TMEM132C: variants seen among roughly 807,000 people sequenced by gnomAD.
TMEM132C encodes the protein transmembrane protein 132C.
In TMEM132C, 29 loss-of-function variants were observed where a neutral mutation model predicts 61.4. The observed-to-expected ratio is 0.47, with a 90% confidence interval of 0.35 to 0.64. The LOEUF is 0.64. Among genes scored for constraint, TMEM132C ranks in the 30% least tolerant of loss-of-function variants. The probability of loss-of-function intolerance (pLI) is 0.00; values close to 1 mark genes in which losing one functional copy is unlikely to be tolerated. For synonymous variants in TMEM132C, 656 were observed against 633.1 expected, an observed-to-expected ratio of 1.04 and a Z score of -0.54; for missense variants, 1,408 against 1,476.9, an observed-to-expected ratio of 0.95 and a Z score of 0.76.
chr12:128,452,609 T>C (rs373485686), intron 2 of TMEM132C, among the ~76,000 whole-genome samples: 4,147 of 150,154 alleles, frequency 0.028, 186 homozygotes, highest in African/African-American at 0.094. Flanking sequence ...GGTGCTGAGG[T>C]AGGAGAATCG....
At chr12:128,286,345 G>A (rs1434934547) in intron 1 of TMEM132C, among the ~76,000 whole-genome samples, 2 of 152,146 alleles carry the variant, frequency 1.3e-5, no homozygotes, top group Non-Finnish European at 1.5e-5. Flanking sequence ...TGCCTCCAGG[G>A]CCCCTGCTTA....
At chr12:128,613,650 C>T (rs1275577427) in intron 3 of TMEM132C, among the ~76,000 whole-genome samples, 1 of 152,130 alleles carries the variant, frequency 6.6e-6, no homozygotes, top group Non-Finnish European at 1.5e-5. Flanking sequence ...TTCTGTGGGC[C>T]CTGTTCCCGG....
At chr12:128,412,359 CT>C (rs1318520693) in intron 1 of TMEM132C, among the ~76,000 whole-genome samples, 1 of 152,136 alleles carries the variant, frequency 6.6e-6, no homozygotes, top group Non-Finnish European at 1.5e-5. Flanking sequence ...AATAACCAAC[CT>C]TGTAGACTCT....
chr12:128,269,444 G>A, intron 1 of TMEM132C, among the ~76,000 whole-genome samples: 1 of 151,618 alleles, frequency 6.6e-6, no homozygotes, highest in South Asian at 2.1e-4. Flanking sequence ...CAGTGCTGGG[G>A]GCAGTGATTT....
At chr12:128,642,889 G>C (rs79982797) in intron 4 of TMEM132C, among the ~76,000 whole-genome samples, 4,159 of 152,314 alleles carry the variant, frequency 0.027, 88 homozygotes, top group Non-Finnish European at 0.041. Context: ...TTCCAAGTGT[G>C]TGCTGTTCAC....
chr12:128,425,087 G>T (rs996385126), intron 2 of TMEM132C, among the ~76,000 whole-genome samples: 4 of 152,214 alleles, frequency 2.6e-5, no homozygotes, highest in Non-Finnish European at 5.9e-5. Flanking sequence ...TCCCAGGGGA[G>T]AGGGAGAGGT....
intron 2 of TMEM132C, among the ~76,000 whole-genome samples, chr12:128,481,305 T>C (rs1047950667): frequency 1.3e-5 from 2 of 152,186 alleles, no homozygotes; most frequent in Non-Finnish European, 2.9e-5. Context: ...TTACGCAATG[T>C]AGAAAACAAG....
intron 4 of TMEM132C, 138 bp downstream of exon 4, chr12:128,616,473 C>T: frequency 1.1e-6 from 1 of 930,000 alleles, no homozygotes; most frequent in Non-Finnish European, 1.5e-6. Flanking sequence ...TTTCCTCACC[C>T]TGGAAGTTGT....
At chr12:128,655,446 C>A (rs1233471031) in intron 4 of TMEM132C, among the ~76,000 whole-genome samples, 3 of 151,966 alleles carry the variant, frequency 2.0e-5, no homozygotes, top group African/African-American at 7.2e-5. Context: ...TCAGATGGCT[C>A]TTCTCTGGAC....
intron 2 of TMEM132C, among the ~76,000 whole-genome samples, chr12:128,420,889 G>A (rs913866428): frequency 3.3e-5 from 5 of 152,062 alleles, no homozygotes; most frequent in African/African-American, 9.7e-5. Context: ...TAAAATCATC[G>A]TTTTAAGGAA....
At chr12:128,417,012 G>A (rs954578654) in intron 2 of TMEM132C, among the ~76,000 whole-genome samples, 8 of 152,176 alleles carry the variant, frequency 5.3e-5, no homozygotes, top group Non-Finnish European at 8.8e-5. Context: ...CGCTGTCAGC[G>A]TATCGGCGGC....
At chr12:128,575,239 G>T (rs529882116) in intron 3 of TMEM132C, among the ~76,000 whole-genome samples, 6 of 152,194 alleles carry the variant, frequency 3.9e-5, no homozygotes, top group Non-Finnish European at 5.9e-5. Context: ...CAACACTTTG[G>T]GGGGGCCAAG....
Position 128,524,471 on chromosome 12 carries a change from G to A in TMEM132C, c.975-19486G>A, listed in dbSNP as rs77050271. Among the ~76,000 whole-genome samples, 305 of 152,230 alleles carry A rather than the reference G, an allele frequency of 2.0e-3. 2 individuals carry two copies. The highest frequency in any genetic ancestry group is 6.9e-3 in the African/African-American group (287 of 41,534). ...GCTCATGGACAGGCTGTCATTTATG[G>A]CCCTGGGTATTACTTCTTTCTCCTG... On this transcript the variant is annotated intron_variant, in intron 2 of 8. Transcript: ENST00000435159.
intron 1 of TMEM132C, among the ~76,000 whole-genome samples, chr12:128,293,790 A>G (rs1221949372): frequency 1.3e-5 from 2 of 152,118 alleles, no homozygotes; most frequent in Admixed American, 6.5e-5. Flanking sequence ...AACAAACTGG[A>G]GCATATATTT....
intron 6 of TMEM132C, 26 bp downstream of exon 6, chr12:128,694,060 T>C (rs1465209618): frequency 1.3e-6 from 2 of 1,548,794 alleles, no homozygotes; most frequent in East Asian, 4.9e-5. Flanking sequence ...GGAGATGCCC[T>C]AGAGCCAAAA....
chr12:128,340,829 T>TTCTCTC (rs1406371958), intron 1 of TMEM132C, among the ~76,000 whole-genome samples: 1 of 134,286 alleles, frequency 7.4e-6, no homozygotes, highest in Non-Finnish European at 1.5e-5. Flanking sequence ...CTTTCTGTCT[T>TTCTCTC]TCTCTCTCTC....
At position 128,705,726 on chromosome 12, in the gene TMEM132C, C is replaced by T. The variant is rs555392682; in HGVS notation, c.2758C>T (p.Leu920=). 5 of 1,551,462 alleles carry T rather than the reference C, an allele frequency of 3.2e-6. No individual in the cohort carries two copies. Among genetic ancestry groups the T allele is most frequent in the Non-Finnish European group, 3.5e-6 (4 of 1,146,982 alleles). The change falls in exon 9 of 9, where the codon CTG becomes TTG. Residue 920 remains leucine (L), a synonymous_variant. Coordinates refer to ENST00000435159, the MANE Select transcript of TMEM132C (RefSeq NM_001136103.3). ...ENDLVQTPRG[L]SDLEIGMYAL... ...CGACCTGGTGCAGACTCCGCGGGGCCTGAGTGATCTGGAGATAGGGATGTA... is the reference window on the plus strand; with the variant it reads ...CGACCTGGTGCAGACTCCGCGGGGCTTGAGTGATCTGGAGATAGGGATGTA...
At chr12:128,368,100 A>G (rs1319530428) in intron 1 of TMEM132C, among the ~76,000 whole-genome samples, 1 of 152,126 alleles carries the variant, frequency 6.6e-6, no homozygotes, top group Non-Finnish European at 1.5e-5. Context: ...AGGAGACAAT[A>G]CCCCATCTTC....
chr12:128,267,351 G>C lies in TMEM132C; in HGVS notation c.-52G>C, dbSNP rs1203213512. The C allele has an allele frequency of 3.1e-5, 31 of 986,984 alleles. No individual in the cohort carries two copies. The highest frequency in any genetic ancestry group is 3.6e-5 in the Non-Finnish European group (30 of 829,908). The allele number at this position is 986,984 out of a possible 1,614,324, so 61.1% of individuals were successfully genotyped here. On this transcript the variant is annotated 5_prime_UTR_variant, in exon 1 of 9. Coordinates refer to ENST00000435159, the MANE Select transcript of TMEM132C (RefSeq NM_001136103.3). Reference sequence around the variant, plus strand: ...GGGGCGGCCGGCGGGGGCCGCGGGCGGGCGCTGCGCTTCGGGCTGGCGGCG... The same window carrying C: ...GGGGCGGCCGGCGGGGGCCGCGGGCCGGCGCTGCGCTTCGGGCTGGCGGCG...
Sources: gnomAD v4.1 joint callset for allele counts (sites outside exome capture counted in the v4.1 genomes callset) on GRCh38, gnomAD v4.1.1 for gene constraint, MANE v1.5 for transcripts, NCBI Gene and HGNC (gene_info 2026-07-23, HGNC 2026-07-21) for gene names.